The following KCNH8 variants were observed in gnomAD, a reference collection of about 807,000 sequenced individuals.
The protein encoded by KCNH8 is potassium voltage-gated channel subfamily H member 8.
A neutral mutation model predicts 103.6 loss-of-function variants in KCNH8; 70 were observed. The observed-to-expected ratio is 0.68, with a 90% CI of 0.56 to 0.82. KCNH8 has a LOEUF of 0.82. Ranked by LOEUF, KCNH8 falls within the 40% of genes least tolerant of loss-of-function variation. KCNH8 has a pLI of 0.00. For synonymous variants in KCNH8, 498 were observed against 489.4 expected (o/e 1.02, Z -0.23); for missense variants, 1,217 against 1,329.9 (o/e 0.92, Z 1.32).
At chr3:19,197,834 A>T (rs2063617340) in intron 1 of KCNH8, among the ~76,000 whole-genome samples, 1 of 152,170 alleles carries the variant, frequency 6.6e-6, no homozygotes, top group Admixed American at 6.6e-5. Flanking sequence ...TTCTTGGCTT[A>T]CTTTTTTCCA....
At chr3:19,359,802 G>A (rs1005199457) in intron 5 of KCNH8, among the ~76,000 whole-genome samples, 2 of 152,058 alleles carry the variant, frequency 1.3e-5, no homozygotes, top group Admixed American at 1.3e-4. Context: ...GGTGGGGAAA[G>A]AGTATGTGTG....
chr3:19,283,958 TAAAG>T (rs1014684888), intron 3 of KCNH8, among the ~76,000 whole-genome samples: 7 of 140,842 alleles, frequency 5.0e-5, no homozygotes, highest in African/African-American at 1.6e-4. Flanking sequence ...AAAAAAGAAA[TAAAG>T]AAAAAGAAAA....
At chr3:19,432,981 T>C (rs1047987812) in intron 7 of KCNH8, among the ~76,000 whole-genome samples, 3 of 152,070 alleles carry the variant, frequency 2.0e-5, no homozygotes, top group Non-Finnish European at 4.4e-5. Context: ...TTGTTTAGGG[T>C]TTTTTTGTTT....
At chr3:19,394,697 T>G (rs1432909969) in intron 6 of KCNH8, among the ~76,000 whole-genome samples, 3 of 152,054 alleles carry the variant, frequency 2.0e-5, no homozygotes, top group African/African-American at 4.8e-5. Flanking sequence ...TCTGAATTAT[T>G]ATTATAAAGC....
intron 5 of KCNH8, among the ~76,000 whole-genome samples, chr3:19,383,207 G>A (rs1271467690): frequency 1.3e-5 from 2 of 152,072 alleles, no homozygotes; most frequent in Admixed American, 6.5e-5. Flanking sequence ...TTCCTCAAAT[G>A]TGAAAATGAA....
At chr3:19,466,764 C>G (rs1170954239) in intron 11 of KCNH8, among the ~76,000 whole-genome samples, 1 of 139,634 alleles carries the variant, frequency 7.2e-6, no homozygotes, top group African/African-American at 2.7e-5. Context: ...CTGGTTCAAG[C>G]GATTCTCCTG....
intron 1 of KCNH8, among the ~76,000 whole-genome samples, chr3:19,209,704 TA>T (rs2063750856): frequency 6.6e-6 from 1 of 150,840 alleles, no homozygotes; most frequent in African/African-American, 2.5e-5. Flanking sequence ...CAGCTTTGCT[TA>T]TAGGGAGGTG....
Position 19,438,149 on chromosome 3 carries a change from T to A in KCNH8, c.1178-15T>A. The A allele has an allele frequency of 6.2e-7, 1 of 1,609,394 alleles. No homozygotes were observed. The highest frequency in any genetic ancestry group is 8.5e-7 in the Non-Finnish European group (1 of 1,175,740). On this transcript the variant is annotated splice_polypyrimidine_tract_variant and intron_variant, in intron 7 of 15. Coordinates refer to ENST00000328405, the MANE Select transcript of KCNH8 (RefSeq NM_144633.3). ...ACTTTTTCTTCTCTCATTTGCTTTA[T>A]TTCCTCCTTTGCAGGTTGGCTTCAT... is the stretch of plus-strand genomic sequence containing the variant.
At chr3:19,394,863 C>T (rs2066491256) in intron 6 of KCNH8, among the ~76,000 whole-genome samples, 1 of 151,730 alleles carries the variant, frequency 6.6e-6, no homozygotes, top group South Asian at 2.1e-4. Context: ...AAAGATAACC[C>T]CTAATTAAGA....
intron 1 of KCNH8, among the ~76,000 whole-genome samples, chr3:19,168,282 C>T (rs1575409126): frequency 6.6e-6 from 1 of 152,114 alleles, no homozygotes; most frequent in African/African-American, 2.4e-5. Flanking sequence ...CTGGCTCAGT[C>T]TCCCAAAGTG....
intron 5 of KCNH8, among the ~76,000 whole-genome samples, chr3:19,358,450 A>G (rs1287365396): frequency 6.6e-6 from 1 of 151,948 alleles, no homozygotes. Flanking sequence ...CTACTAAAAT[A>G]TGTTCTTTAG....
intron 3 of KCNH8, among the ~76,000 whole-genome samples, chr3:19,323,308 G>T (rs373969021): frequency 6.4e-4 from 98 of 152,074 alleles, no homozygotes; most frequent in African/African-American, 2.3e-3. Context: ...AATTAGCTGG[G>T]CGTGGTGGTG....
chr3:19,378,008 A>G (rs888629879), intron 5 of KCNH8, among the ~76,000 whole-genome samples: 23 of 152,074 alleles, frequency 1.5e-4, no homozygotes, highest in African/African-American at 5.3e-4. Flanking sequence ...TGGGTAGTCT[A>G]TTGAAGGCTA....
At chr3:19,177,432 A>G (rs1194596686) in intron 1 of KCNH8, among the ~76,000 whole-genome samples, 1 of 152,102 alleles carries the variant, frequency 6.6e-6, no homozygotes, top group Non-Finnish European at 1.5e-5. Flanking sequence ...TTAATATACA[A>G]TAGGAATTAT....
intron 3 of KCNH8, among the ~76,000 whole-genome samples, chr3:19,288,502 T>C (rs972932352): frequency 3.9e-5 from 6 of 151,996 alleles, no homozygotes; most frequent in African/African-American, 1.2e-4. Flanking sequence ...GTCCTTGTGA[T>C]AGTTGGCTGA....
intron 11 of KCNH8, among the ~76,000 whole-genome samples, chr3:19,469,598 T>C (rs2067813332): frequency 6.6e-6 from 1 of 152,058 alleles, no homozygotes. Flanking sequence ...CGTCACAGTA[T>C]GTTTTTTATA....
chr3:19,496,809 T>A (rs1255956994), intron 11 of KCNH8, among the ~76,000 whole-genome samples: 1 of 152,212 alleles, frequency 6.6e-6, no homozygotes, highest in African/African-American at 2.4e-5. Context: ...TGGCTGTGAA[T>A]CCGTCTACTT....
At chr3:19,384,968 GCTT>G (rs1476680409) in intron 5 of KCNH8, among the ~76,000 whole-genome samples, 1 of 152,084 alleles carries the variant, frequency 6.6e-6, no homozygotes, top group Non-Finnish European at 1.5e-5. Flanking sequence ...CTTCGATGAG[GCTT>G]TTGTGAAAAC....
chr3:19,346,524 ATACC>A (rs1390605521), intron 4 of KCNH8: 3 of 431,078 alleles, frequency 7.0e-6, no homozygotes, highest in Admixed American at 5.0e-5. Context: ...TGGGTTGAAA[ATACC>A]TACCAAAGAG....
Sources: allele counts gnomAD v4.1 joint callset (sites outside exome capture counted in the v4.1 genomes callset), GRCh38; gene constraint gnomAD v4.1.1; transcripts MANE v1.5; gene names NCBI Gene and HGNC (gene_info 2026-07-23, HGNC 2026-07-21).